Variants in MZF1 observed in about 807,000 individuals in gnomAD.
MZF1 encodes myeloid zinc finger 1, also known as zinc finger and SCAN domain-containing protein 6.
A neutral mutation model predicts 28.6 loss-of-function variants in MZF1; 24 were observed. The ratio of observed to expected loss-of-function variants is 0.84; its 90% CI spans 0.61 to 1.18. The LOEUF (loss-of-function observed/expected upper bound fraction) is 1.18. MZF1 is among the 50% of genes most tolerant of loss of function. The pLI, the probability that MZF1 is intolerant of heterozygous loss-of-function variation, is 0.00. For missense variants in MZF1, 1,166 were observed against 1,026.4 expected, an observed-to-expected ratio of 1.14 and a Z score of -1.86; for synonymous variants, 516 against 432.5, an observed-to-expected ratio of 1.19 and a Z score of -2.40.
In MZF1 at chr19:58,562,774, C is replaced by G; in HGVS notation, c.1503G>C (p.Leu501=). The G allele has an allele frequency of 6.5e-7, 1 of 1,535,014 alleles. No homozygotes were observed. Among genetic ancestry groups the G allele is most frequent in the Non-Finnish European group, 8.7e-7 (1 of 1,146,638 alleles). The change falls in exon 6 of 6, where the codon CTG becomes CTC. Residue 501 remains leucine, a synonymous_variant. Coordinates refer to ENST00000215057, the MANE Select transcript of MZF1 (RefSeq NM_198055.2). ...CGCCCGTGTGTACCGCCTGGTGCTCCAGCAGCACGGCGCGCCGCGCGAAGC... is the reference window on the plus strand; with the variant it reads ...CGCCCGTGTGTACCGCCTGGTGCTCGAGCAGCACGGCGCGCCGCGCGAAGC... The part of the protein sequence containing the change: ...RESFARRAVL[L]EHQAVHTGDK...
chr19:58,562,451 C>CGCT lies in MZF1; in HGVS notation c.1823_1825dup (p.Gln608dup). 6.2e-7 allele frequency: 1 copy of CGCT among 1,610,642 alleles called. No individual in the cohort carries two copies. The highest frequency in any genetic ancestry group is 8.5e-7 in the Non-Finnish European group (1 of 1,179,160). ...CCTCTGATGACGCGTGAGCTTGAGGCGCTGGCTGAAGCGCTGGCCACACTC... is the reference window on the plus strand; with the variant it reads ...CCTCTGATGACGCGTGAGCTTGAGGCGCTGCTGGCTGAAGCGCTGGCCACACTC... On this transcript the variant is annotated inframe_insertion, in exon 6 of 6. Transcript: ENST00000215057.
chr19:58,571,112 A>G lies in MZF1; in HGVS notation c.278T>C (p.Leu93Pro). The G allele has an allele frequency of 6.2e-7, 1 of 1,614,016 alleles. No homozygotes were observed. Among genetic ancestry groups the G allele is most frequent in the Non-Finnish European group, 8.5e-7 (1 of 1,180,016 alleles). Residue 93 changes from leucine to proline, a missense_variant, in exon 2 of 6, where the codon CTG becomes CCG. By Grantham distance (98) the Leu-to-Pro change is moderately conservative. Coordinates refer to ENST00000215057, the MANE Select transcript of MZF1 (RefSeq NM_198055.2). ...CTGGATCTCAGGGGGCAGTGCGCCC[A>G]GGAACTGCTCCAGCACCAACAGCTC... ...MLELLVLEQF[L>P]GALPPEIQAR...
At chr19:58,571,492 C>T (rs368735210) in intron 1 of MZF1, 63 bp from the exon 2 acceptor site, 2 of 1,406,942 alleles carry the variant, frequency 1.4e-6, no homozygotes, top group Non-Finnish European at 9.6e-7. Context: ...ACTGCCTAGT[C>T]TATGCTGTAC....
intron 5 of MZF1, chr19:58,564,491 C>G (rs1600099490): frequency 6.6e-6 from 1 of 152,308 alleles, no homozygotes; most frequent in Admixed American, 6.5e-5. Context: ...GGAAATGTAG[C>G]TAATGCTTAT....
chr19:58,562,541 C>T lies in MZF1; in HGVS notation c.1736G>A (p.Arg579His), dbSNP rs921598469. The T allele has an allele frequency of 2.5e-6, 4 of 1,606,886 alleles. No homozygotes were observed. The highest frequency in any genetic ancestry group is 3.4e-6 in the Non-Finnish European group (4 of 1,177,916). The part of the protein sequence containing the change: ...FACAECGKAF[R>H]QRPTLTQHLR... ...ATGCTGCGTGAGCGTAGGCCGCTGG[C>T]GGAAGGCCTTGCCACACTCGGCGCA... The change falls in exon 6 of 6, where the codon CGC (arginine) becomes CAC (histidine). Residue 579 changes from arginine (R) to histidine (H), a missense_variant. Physicochemically the swap from Arg to His is conservative, Grantham distance 29 (BLOSUM62 0). Coordinates refer to ENST00000215057, the MANE Select transcript of MZF1 (RefSeq NM_198055.2).
chr19:58,564,703 ACTT>A (rs2054005303), intron 5 of MZF1: 1 of 152,112 alleles, frequency 6.6e-6, no homozygotes, highest in South Asian at 2.1e-4. Context: ...ATTTTTAGGT[ACTT>A]CTTCAACAGT....
At chr19:58,565,549 T>C (rs556214873) in intron 5 of MZF1, among the ~76,000 whole-genome samples, 1 of 149,520 alleles carries the variant, frequency 6.7e-6, no homozygotes, top group South Asian at 2.1e-4. Flanking sequence ...GTGTGCGCAC[T>C]TGAGACGGAG....
rs1363155852 is a variant in MZF1 at position 58,562,560 on chromosome 19, C to T, written c.1717G>A (p.Glu573Lys). 4 of 1,601,294 alleles carry T rather than the reference C, an allele frequency of 2.5e-6. No homozygotes were observed. Among genetic ancestry groups the T allele is most frequent in the African/African-American group, 2.7e-5 (2 of 74,756 alleles). Reference sequence around the variant, plus strand: ...CGCTGGCGGAAGGCCTTGCCACACTCGGCGCAGGCGAAGGGCCGCTCCCCG... The same window carrying T: ...CGCTGGCGGAAGGCCTTGCCACACTTGGCGCAGGCGAAGGGCCGCTCCCCG... The part of the protein sequence containing the change: ...HTGERPFACA[E>K]CGKAFRQRPT... Residue 573 changes from glutamate to lysine, a missense_variant, in exon 6 of 6, where the codon GAG becomes AAG. Transcript: ENST00000215057.
chr19:58,569,595 G>A lies in MZF1; in HGVS notation c.581-9C>T, dbSNP rs755131677. The A allele has an allele frequency of 3.8e-6, 6 of 1,593,904 alleles. No homozygotes were observed. The highest frequency in any genetic ancestry group is 1.3e-5 in the African/African-American group (1 of 74,306). ...CCCAGACTCCAGGAAATCTAGAGAG[G>A]AAAACTGGTATCAGGCAGCCTGAGT... is the stretch of plus-strand genomic sequence containing the variant. On this transcript the variant is annotated splice_polypyrimidine_tract_variant and intron_variant, in intron 3 of 5. Transcript: ENST00000215057.
At position 58,570,994 on chromosome 19, in the gene MZF1, C is replaced by T. The variant is rs145449797; in HGVS notation, c.396G>A (p.Trp132Ter). The T allele has an allele frequency of 1.3e-5, 21 of 1,601,480 alleles. 1 individual carries two copies. In the African/African-American group the frequency reaches 2.1e-4, roughly 16 times the overall value. The change falls in exon 2 of 6, where the codon TGG (tryptophan) becomes TGA (stop). Residue 132 changes from tryptophan to a stop codon, truncating the protein, a stop_gained and splice_region_variant. Transcript: ENST00000215057. LOFTEE classifies it high-confidence loss of function. ...ACCCCACTCGTGGACACTCACTCAC[C>T]CATCTCCGGGGTCCGCCCGGCTCCC... ...LRREPGGPRR[W>*]VTVQVQGQEV...
chr19:58,569,097 CTTTT>C, intron 5 of MZF1, 176 bp downstream of exon 5: 1 of 785,496 alleles, frequency 1.3e-6, no homozygotes, highest in Non-Finnish European at 1.9e-6. Flanking sequence ...TGGTGGGTGG[CTTTT>C]TTTGAGGGCA....
rs1240849521 is a variant in MZF1, at chr19:58,571,326, C to A, written c.64G>T (p.Val22Leu). Residue 22 changes from valine (V) to leucine (L), a missense_variant, in exon 2 of 6, where the codon GTG becomes TTG. By Grantham distance (32) the Val-to-Leu change is conservative (BLOSUM62 1). Coordinates refer to ENST00000215057, the MANE Select transcript of MZF1 (RefSeq NM_198055.2). ...TCCTCCTCAGAGTCCTCTAGCTTCACCATGACAGGCCCCTCATCTTCTGGG... is the reference window on the plus strand; with the variant it reads ...TCCTCCTCAGAGTCCTCTAGCTTCAACATGACAGGCCCCTCATCTTCTGGG... ...APPEDEGPVM[V>L]KLEDSEEEGE... 1 of 1,614,220 alleles carries A rather than the reference C, an allele frequency of 6.2e-7. No homozygotes were observed. The highest frequency in any genetic ancestry group is 1.7e-5 in the Admixed American group (1 of 60,034).
At chr19:58,566,276 G>A (rs1241209566) in intron 5 of MZF1, among the ~76,000 whole-genome samples, 5 of 151,766 alleles carry the variant, frequency 3.3e-5, no homozygotes, top group African/African-American at 1.2e-4. Flanking sequence ...GGGAAACCCC[G>A]TCTCTACTAA....
intron 3 of MZF1, chr19:58,570,049 C>T (rs1027685441): frequency 2.5e-5 from 9 of 361,844 alleles, no homozygotes; most frequent in South Asian, 5.4e-5. Flanking sequence ...AACGCATCTC[C>T]TTGGGGACTG....
intron 5 of MZF1, among the ~76,000 whole-genome samples, chr19:58,566,905 CTT>C (rs11403633): frequency 4.8e-5 from 7 of 145,538 alleles, no homozygotes; most frequent in Non-Finnish European, 6.0e-5. Context: ...TCCCAAGACT[CTT>C]TTTTTTTTTT....
At chr19:58,571,542 A>G in intron 1 of MZF1, 113 bp from the exon 2 acceptor site, 1 of 1,029,768 alleles carries the variant, frequency 9.7e-7, no homozygotes, top group Non-Finnish European at 1.4e-6. Context: ...AAGGCAGATG[A>G]GGAAACAGGC....
chr19:58,562,030 A>G lies in MZF1; in HGVS notation c.*42T>C. ...CAGCCTCACAATAACCAGGGGAGGTAGGTGTTCTGACCATGGCGGACACAG... is the reference window on the plus strand; with the variant it reads ...CAGCCTCACAATAACCAGGGGAGGTGGGTGTTCTGACCATGGCGGACACAG... On this transcript the variant is annotated 3_prime_UTR_variant, in exon 6 of 6. Coordinates refer to ENST00000215057, the MANE Select transcript of MZF1 (RefSeq NM_198055.2). The G allele has an allele frequency of 6.6e-7, 1 of 1,523,646 alleles. No individual in the cohort carries two copies. The highest frequency in any genetic ancestry group is 8.8e-7 in the Non-Finnish European group (1 of 1,131,108). The allele number at this position is 1,523,646 out of a possible 1,614,324, so 94.4% of individuals were successfully genotyped here. A position where few individuals can be genotyped will look rare whatever the true frequency, so the allele number is the denominator to read the frequency against.
chr19:58,561,970 G>A lies in MZF1; in HGVS notation c.*102C>T, dbSNP rs886106072. On this transcript the variant is annotated 3_prime_UTR_variant, in exon 6 of 6. Coordinates refer to ENST00000215057, the MANE Select transcript of MZF1 (RefSeq NM_198055.2). Reference sequence around the variant, plus strand: ...TTTATTGGACACCTACAGTAGCCAAGCCCTGGGCGGACCTGCTTATACTTA... The same window carrying A: ...TTTATTGGACACCTACAGTAGCCAAACCCTGGGCGGACCTGCTTATACTTA... 1 of 1,249,188 alleles carries A rather than the reference G, an allele frequency of 8.0e-7. No homozygotes were observed. The highest frequency in any genetic ancestry group is 1.5e-5 in the African/African-American group (1 of 66,698). The allele number at this position is 1,249,188 out of a possible 1,614,324, so 77.4% of individuals were successfully genotyped here. A position where few individuals can be genotyped will look rare whatever the true frequency, so the allele number is the denominator to read the frequency against.
At chr19:58,571,589 C>T (rs2054165067) in intron 1 of MZF1, 160 bp from the exon 2 acceptor site, 1 of 674,472 alleles carries the variant, frequency 1.5e-6, no homozygotes, top group African/African-American at 1.8e-5. Flanking sequence ...ACTTATGCAG[C>T]TGGAAGCCCT....
Sources: gnomAD v4.1 joint callset for allele counts (sites outside exome capture counted in the v4.1 genomes callset) on GRCh38, gnomAD v4.1.1 for gene constraint, MANE v1.5 for transcripts, NCBI Gene and HGNC (gene_info 2026-07-23, HGNC 2026-07-21) for gene names.